NTM: variants seen among roughly 807,000 people sequenced by gnomAD.
The protein encoded by NTM is IgLON family member 2.
Under a neutral mutation model 42.1 loss-of-function variants are expected in NTM, and 13 were observed. That is an observed-to-expected ratio of 0.31 (90% CI 0.20 to 0.49). The LOEUF (loss-of-function observed/expected upper bound fraction) is 0.49. NTM is among the 20% of genes least tolerant of loss of function. NTM has a pLI of 0.99. For synonymous variants in NTM, 187 were observed against 179.2 expected (o/e 1.04, Z -0.35); for missense variants, 373 against 452.8 (o/e 0.82, Z 1.60).
At chr11:132,096,536 A>G (rs1051508746) in intron 2 of NTM, among the ~76,000 whole-genome samples, 16 of 152,210 alleles carry the variant, frequency 1.1e-4, no homozygotes, top group African/African-American at 3.6e-4. Context: ...TACTTATAAT[A>G]TTCGCCTAAT....
At chr11:132,207,738 A>G (rs1448620850) in intron 3 of NTM, among the ~76,000 whole-genome samples, 1 of 152,166 alleles carries the variant, frequency 6.6e-6, no homozygotes, top group Non-Finnish European at 1.5e-5. Context: ...TGCCTAGGAT[A>G]TCTTTCCTCC....
intron 1 of NTM, among the ~76,000 whole-genome samples, chr11:131,642,009 G>A (rs927975645): frequency 1.3e-5 from 2 of 152,122 alleles, no homozygotes; most frequent in African/African-American, 4.8e-5. Flanking sequence ...ACAGGCATGA[G>A]CCACTGTGCC....
At position 131,475,702 on chromosome 11, in the gene NTM, T is replaced by C. The variant is rs549244032; in HGVS notation, c.82+104814T>C. ...CCACGAAGCCCTACATTCATTTTCTTAAAGGAAAAAACTGCCAAAGATAGA... is the reference window on the plus strand; with the variant it reads ...CCACGAAGCCCTACATTCATTTTCTCAAAGGAAAAAACTGCCAAAGATAGA... On this transcript the variant is annotated intron_variant, in intron 1 of 8. Coordinates refer to ENST00000683400, the MANE Select transcript of NTM (RefSeq NM_001352005.2). Among the ~76,000 whole-genome samples, 6 of 152,264 alleles carry C rather than the reference T, an allele frequency of 3.9e-5. No homozygotes were observed. The South Asian group carries it at 1.2e-3, about 32-fold the overall frequency.
chr11:131,410,517 C>CAAAAAAAAAAAAAAAAAAAAAAAAAAA (rs1161389222), intron 1 of NTM, among the ~76,000 whole-genome samples: 2 of 32,764 alleles, frequency 6.1e-5, no homozygotes, highest in East Asian at 1.2e-3. Flanking sequence ...AAACAATAAC[C>CAAAAAAAAAAAAAAAAAAAAAAAAAAA]AAAAAAAAAA....
chr11:132,331,781 G>C (rs1001193773), intron 8 of NTM, among the ~76,000 whole-genome samples: 1 of 152,202 alleles, frequency 6.6e-6, no homozygotes, highest in African/African-American at 2.4e-5. Context: ...GGTGCTGAAG[G>C]CTGGAAGAGG....
intron 1 of NTM, among the ~76,000 whole-genome samples, chr11:131,551,968 C>G (rs896905523): frequency 6.6e-6 from 1 of 152,162 alleles, no homozygotes; most frequent in African/African-American, 2.4e-5. Flanking sequence ...AAGGTCCCTA[C>G]AAGCACCATT....
intron 1 of NTM, among the ~76,000 whole-genome samples, chr11:131,415,460 G>T (rs1206358695): frequency 6.6e-6 from 1 of 152,170 alleles, no homozygotes; most frequent in Admixed American, 6.5e-5. Context: ...TATCCATATT[G>T]CTTGAGAATA....
intron 1 of NTM, among the ~76,000 whole-genome samples, chr11:131,729,000 T>C (rs2079297755): frequency 1.3e-5 from 2 of 152,220 alleles, no homozygotes; most frequent in Admixed American, 1.3e-4. Flanking sequence ...TATAAGATAA[T>C]GCATCATAGG....
intron 1 of NTM, among the ~76,000 whole-genome samples, chr11:131,429,508 A>G (rs1005758558): frequency 6.6e-6 from 1 of 152,174 alleles, no homozygotes; most frequent in Non-Finnish European, 1.5e-5. Flanking sequence ...TGCTAATGAT[A>G]ATGATGCTTG....
chr11:132,104,583 C>CCCCA (rs1555263092), intron 2 of NTM, among the ~76,000 whole-genome samples: 2 of 140,366 alleles, frequency 1.4e-5, no homozygotes, highest in African/African-American at 5.6e-5. Context: ...GGGACCCCCC[C>CCCCA]CCACCAAAAA....
At chr11:132,136,564 A>T (rs936949058) in intron 2 of NTM, among the ~76,000 whole-genome samples, 1 of 152,260 alleles carries the variant, frequency 6.6e-6, no homozygotes, top group Non-Finnish European at 1.5e-5. Context: ...TGTACATCAT[A>T]TGTGTACATG....
intron 2 of NTM, among the ~76,000 whole-genome samples, chr11:131,928,616 CTCCCGTCTGTGTTTTG>C: frequency 1.3e-5 from 2 of 148,650 alleles, no homozygotes; most frequent in Admixed American, 1.3e-4. Flanking sequence ...TTTCTGTGGT[CTCCCGTCTGTGTTTTG>C]TCCCACTGCA....
intron 7 of NTM, among the ~76,000 whole-genome samples, chr11:132,320,782 C>G (rs1487860611): frequency 6.6e-6 from 1 of 151,750 alleles, no homozygotes; most frequent in Non-Finnish European, 1.5e-5. Flanking sequence ...CCCTGTCTGA[C>G]AGCTTTGAAG....
At chr11:131,773,710 G>A (rs77543930) in intron 1 of NTM, among the ~76,000 whole-genome samples, 2,842 of 152,154 alleles carry the variant, frequency 0.019, 78 homozygotes, top group African/African-American at 0.065. Flanking sequence ...TGGCTAATAC[G>A]TTGCTTCAAA....
At chr11:131,667,819 G>A (rs1400417999) in intron 1 of NTM, among the ~76,000 whole-genome samples, 4 of 152,186 alleles carry the variant, frequency 2.6e-5, no homozygotes, top group Non-Finnish European at 2.9e-5. Context: ...CAAACAGCCT[G>A]GGTGGGCCTG....
intron 1 of NTM, among the ~76,000 whole-genome samples, chr11:131,474,740 A>G (rs1591773693): frequency 1.3e-5 from 2 of 151,576 alleles, no homozygotes; most frequent in African/African-American, 4.9e-5. Context: ...TCCTGATATC[A>G]CTCTCTTAGT....
intron 8 of NTM, chr11:132,332,408 G>T (rs1343304603): frequency 6.6e-6 from 1 of 152,326 alleles, no homozygotes; most frequent in African/African-American, 2.4e-5. Flanking sequence ...TGATGATGGA[G>T]AGCTTCAGAG....
Position 131,823,394 on chromosome 11 carries a change from A to G in NTM, c.83-88170A>G, listed in dbSNP as rs193106442. Reference sequence around the variant, plus strand: ...ATGCAGTAGGTAAGCACGAAATTAGAGGGGGTTAACTGTATTATACACAGA... The same window carrying G: ...ATGCAGTAGGTAAGCACGAAATTAGGGGGGGTTAACTGTATTATACACAGA... On this transcript the variant is annotated intron_variant, in intron 1 of 8. Transcript: ENST00000683400. Among the ~76,000 whole-genome samples, 469 of 152,252 alleles carry G rather than the reference A, an allele frequency of 3.1e-3. 1 individual carries two copies. Among genetic ancestry groups the G allele is most frequent in the African/African-American group, 0.011 (440 of 41,554 alleles).
chr11:132,335,195 C>T lies in NTM; in HGVS notation c.*49C>T, dbSNP rs1448700040. Reference sequence around the variant, plus strand: ...GGAAAGGCTGCCGCCACCACCACCACCAACACAACAGCAATGGCAACACCG... The same window carrying T: ...GGAAAGGCTGCCGCCACCACCACCATCAACACAACAGCAATGGCAACACCG... On this transcript the variant is annotated 3_prime_UTR_variant, in exon 9 of 9. Coordinates refer to ENST00000683400, the MANE Select transcript of NTM (RefSeq NM_001352005.2). 4 of 1,596,920 alleles carry T rather than the reference C, an allele frequency of 2.5e-6. No individual in the cohort carries two copies. The highest frequency in any genetic ancestry group is 2.7e-5 in the African/African-American group (2 of 74,614).
Sources: gnomAD v4.1 joint callset for allele counts (sites outside exome capture counted in the v4.1 genomes callset) on GRCh38, gnomAD v4.1.1 for gene constraint, MANE v1.5 for transcripts, NCBI Gene and HGNC (gene_info 2026-07-23, HGNC 2026-07-21) for gene names.